The following CPE variants were observed in gnomAD, a reference collection of about 807,000 sequenced individuals.
CPE encodes carbocypeptidase E.
CPE carries 17 observed loss-of-function variants against 53.5 expected under a neutral mutation model. That is an observed-to-expected ratio of 0.32 (90% CI 0.22 to 0.48). The LOEUF (loss-of-function observed/expected upper bound fraction) is 0.48. Among genes scored for constraint, CPE ranks in the 20% least tolerant of loss-of-function variants. The probability of loss-of-function intolerance (pLI) is 0.99; values close to 1 mark genes in which losing one functional copy is unlikely to be tolerated. For synonymous variants in CPE, 226 were observed against 228.8 expected, an observed-to-expected ratio of 0.99 and a Z score of 0.11; for missense variants, 524 against 614.7, an observed-to-expected ratio of 0.85 and a Z score of 1.56.
intron 1 of CPE, among the ~76,000 whole-genome samples, chr4:165,455,463 T>G (rs1474028769): frequency 6.6e-6 from 1 of 152,224 alleles, no homozygotes; most frequent in Non-Finnish European, 1.5e-5. Context: ...AAAGGCATTT[T>G]GATAAGCATT....
At chr4:165,449,875 T>C (rs564802363) in intron 1 of CPE, among the ~76,000 whole-genome samples, 1 of 152,140 alleles carries the variant, frequency 6.6e-6, no homozygotes, top group Non-Finnish European at 1.5e-5. Context: ...AAAACGGCTG[T>C]TTATTTTGGT....
intron 1 of CPE, chr4:165,405,013 A>G (rs1730930225): frequency 2.7e-6 from 2 of 738,438 alleles, no homozygotes; most frequent in South Asian, 2.9e-5. Flanking sequence ...GGAAGTTGTG[A>G]TGGATGGACA....
intron 1 of CPE, among the ~76,000 whole-genome samples, chr4:165,401,879 A>C (rs1730874272): frequency 6.6e-6 from 1 of 152,216 alleles, no homozygotes; most frequent in South Asian, 2.1e-4. Flanking sequence ...AGTTATTTTA[A>C]TATTAAGCCA....
chr4:165,384,093 C>T (rs961254337), intron 1 of CPE, among the ~76,000 whole-genome samples: 12 of 152,188 alleles, frequency 7.9e-5, no homozygotes, highest in South Asian at 2.1e-4. Flanking sequence ...CGTCTTACCA[C>T]GGGGCGAAAT....
chr4:165,392,086 T>C (rs966535377), intron 1 of CPE, among the ~76,000 whole-genome samples: 2 of 151,636 alleles, frequency 1.3e-5, no homozygotes, highest in African/African-American at 4.8e-5. Flanking sequence ...AATTTTTGTT[T>C]AGAGAATGCA....
At chr4:165,474,172 A>C (rs1159466445) in intron 3 of CPE, among the ~76,000 whole-genome samples, 1 of 152,272 alleles carries the variant, frequency 6.6e-6, no homozygotes, top group South Asian at 2.1e-4. Context: ...TTGTTTCTGC[A>C]TTTTTCCTTC....
intron 1 of CPE, among the ~76,000 whole-genome samples, chr4:165,389,905 G>A (rs1014799832): frequency 2.0e-5 from 3 of 152,136 alleles, no homozygotes; most frequent in African/African-American, 7.2e-5. Context: ...TCTTCTCCTG[G>A]AATCAAGATA....
intron 1 of CPE, among the ~76,000 whole-genome samples, chr4:165,407,556 T>C (rs1730972647): frequency 6.6e-6 from 1 of 151,528 alleles, no homozygotes; most frequent in African/African-American, 2.4e-5. Flanking sequence ...TTTTTTCTTT[T>C]TTTTTTTTTG....
chr4:165,381,389 T>C, intron 1 of CPE: 1 of 452,418 alleles, frequency 2.2e-6, no homozygotes, highest in South Asian at 1.6e-5. Flanking sequence ...GGAAAAATAC[T>C]GAATATGCAG....
intron 1 of CPE, chr4:165,404,662 T>A: frequency 9.6e-7 from 1 of 1,046,670 alleles, no homozygotes; most frequent in South Asian, 1.3e-5. Context: ...TTGGGTCAAC[T>A]CCTTCCTGGA....
intron 1 of CPE, among the ~76,000 whole-genome samples, chr4:165,433,505 T>A (rs997946752): frequency 1.3e-5 from 2 of 152,134 alleles, no homozygotes; most frequent in African/African-American, 4.8e-5. Flanking sequence ...GCCCCTCCAA[T>A]TCATTCTCCG....
At chr4:165,405,382 G>A (rs1408154675) in intron 1 of CPE, 27 of 1,151,654 alleles carry the variant, frequency 2.3e-5, no homozygotes, top group South Asian at 6.1e-5. Context: ...CAAGCTCTCC[G>A]AATTTCTGAG....
At chr4:165,431,034 A>T (rs535380653) in intron 1 of CPE, among the ~76,000 whole-genome samples, 1 of 152,334 alleles carries the variant, frequency 6.6e-6, no homozygotes, top group East Asian at 1.9e-4. Flanking sequence ...TACCTAAGAC[A>T]GTTCTTCAGC....
chr4:165,438,139 G>A (rs981062619), intron 1 of CPE, among the ~76,000 whole-genome samples: 4 of 152,180 alleles, frequency 2.6e-5, no homozygotes, highest in African/African-American at 9.7e-5. Context: ...TGGCGATTGT[G>A]TGGAGGAGGC....
intron 1 of CPE, among the ~76,000 whole-genome samples, chr4:165,402,917 A>G (rs116836440): frequency 1.3e-5 from 2 of 152,236 alleles, no homozygotes; most frequent in Non-Finnish European, 2.9e-5. Context: ...ACCTTTGTTT[A>G]TAAAAAATAT....
At position 165,496,007 on chromosome 4, in the gene CPE, A is replaced by G. The variant is rs1429922282; in HGVS notation, c.1332+330A>G. 7.2e-5 allele frequency among the ~76,000 whole-genome samples: 11 copies of G among 152,144 alleles called. 1 individual carries two copies. The highest frequency in any genetic ancestry group is 6.5e-4 in the Admixed American group (10 of 15,276). On this transcript the variant is annotated intron_variant, in intron 8 of 8. Transcript: ENST00000402744. ...AGCACCTAGCGCAGTGCCTTTCTCA[A>G]TAAGTATTTGAAAAAAAAATGATGC...
At chr4:165,470,116 C>T (rs187678028) in intron 3 of CPE, among the ~76,000 whole-genome samples, 1 of 152,244 alleles carries the variant, frequency 6.6e-6, no homozygotes, top group African/African-American at 2.4e-5. Flanking sequence ...GAGTGAGAGA[C>T]TAAAGCAAGT....
chr4:165,397,934 C>T (rs1730797447), intron 1 of CPE, among the ~76,000 whole-genome samples: 1 of 150,908 alleles, frequency 6.6e-6, no homozygotes, highest in Non-Finnish European at 1.5e-5. Context: ...TGCCTATAGT[C>T]CTGGCTACTC....
In CPE at chr4:165,493,267, T is replaced by G. The variant is rs1398168803; in HGVS notation, c.1210T>G (p.Ser404Ala). ...SVEGIDHDVT[S>A]AKDGDYWRLL... ...GGAAGGAATAGACCACGATGTTACA[T>G]CCGGTGGGTCTTTGCCACAATTGGA... Residue 404 changes from serine to alanine, a missense_variant, in exon 7 of 9, where the codon TCC (serine) becomes GCC (alanine). By Grantham distance (99) the Ser-to-Ala change is moderately conservative. Coordinates refer to ENST00000402744, the MANE Select transcript of CPE (RefSeq NM_001873.4). The G allele has an allele frequency of 1.9e-6, 3 of 1,611,962 alleles. No homozygotes were observed. In the Admixed American group the frequency reaches 5.0e-5, roughly 27 times the overall value.
Sources: gnomAD v4.1 joint callset for allele counts (sites outside exome capture counted in the v4.1 genomes callset) on GRCh38, gnomAD v4.1.1 for gene constraint, MANE v1.5 for transcripts, NCBI Gene and HGNC (gene_info 2026-07-23, HGNC 2026-07-21) for gene names.